The following SYNE2 variants were observed in gnomAD, a reference collection of about 807,000 sequenced individuals.
The protein encoded by SYNE2 is spectrin repeat containing nuclear envelope protein 2.
SYNE2 carries 431 observed loss-of-function variants against 856.3 expected under a neutral mutation model. That is an observed-to-expected ratio of 0.50 (90% CI 0.47 to 0.55). The LOEUF is 0.55. SYNE2 is among the 20% of genes least tolerant of loss of function. The pLI is 0.00. For synonymous variants in SYNE2, 2,923 were observed against 2,872.3 expected, an observed-to-expected ratio of 1.02 and a Z score of -0.56; for missense variants, 8,129 against 8,023.2, an observed-to-expected ratio of 1.01 and a Z score of -0.50.
In SYNE2 at chr14:64,087,947, C is replaced by A. The variant is rs1471673005; in HGVS notation, c.11670+91C>A. On this transcript the variant is annotated intron_variant, in intron 58 of 115. Coordinates refer to ENST00000555002, the MANE Select transcript of SYNE2 (RefSeq NM_182914.3). The stretch of plus-strand genomic sequence containing the variant: ...CCTATAATTCCAGCACTTTGGGAGG[C>A]CAAGGCGGGTGGATCACTTGAGGTC... 3 of 1,401,088 alleles carry A rather than the reference C, an allele frequency of 2.1e-6. No homozygotes were observed. The African/African-American group carries it at 4.3e-5, about 20-fold the overall frequency. The allele number at this position is 1,401,088 out of a possible 1,614,324, so 86.8% of individuals were successfully genotyped here.
At position 64,071,977 on chromosome 14, in the gene SYNE2, C is replaced by T. The variant is rs566648224; in HGVS notation, c.10697+1067C>T. ...AGGTTGCAGTGAGCTGAGATCATGC[C>T]ATTGCACTCCAGCCTGAAACGTCCA... On this transcript the variant is annotated intron_variant, in intron 52 of 115. Transcript: ENST00000555002. 8.3e-4 allele frequency among the ~76,000 whole-genome samples: 126 copies of T among 152,268 alleles called. 1 individual carries two copies. The South Asian group carries it at 0.023, about 28-fold the overall frequency.
Position 64,002,816 on chromosome 14 carries a change from C to T in SYNE2, c.3883C>T (p.His1295Tyr). 6.2e-7 allele frequency: 1 copy of T among 1,614,124 alleles called. No homozygotes were observed. Among genetic ancestry groups the T allele is most frequent in the Non-Finnish European group, 8.5e-7 (1 of 1,180,014 alleles). The change falls in exon 30 of 116, where the codon CAC becomes TAC. Residue 1295 changes from histidine (H) to tyrosine (Y), a missense_variant. Around this residue, in one of 3 missense-constraint regions of SYNE2, gnomAD observed 2,422 missense variants for 2,357.4 expected, o/e 1.03. Coordinates refer to ENST00000555002, the MANE Select transcript of SYNE2 (RefSeq NM_182914.3). ...VLKELHPFDL[H>Y]AMQNIILKYK... ...AAAGGAGTTACACCCATTTGATCTA[C>T]ACGCAATGCAGAATATTATACTGAA...
chr14:64,158,824 A>G, intron 86 of SYNE2, 29 bp downstream of exon 86: 1 of 1,612,590 alleles, frequency 6.2e-7, no homozygotes, highest in Non-Finnish European at 8.5e-7. Context: ...GGCATGGTGC[A>G]TTATTGGCAG....
rs1479785601 is a variant in SYNE2 at position 63,997,306 on chromosome 14, C to A, written c.3158C>A (p.Thr1053Asn). ...CAATTTTGATTCCTTTCTAGGGGGA[C>A]CATCACCACATCTGAGAATAGAGGA... ...TAGGTSKNEGTITTSENRGGD... is the reference protein window; with the variant it reads ...TAGGTSKNEGNITTSENRGGD... The change falls in exon 25 of 116, where the codon ACC becomes AAC. Residue 1053 changes from threonine to asparagine, a missense_variant. Physicochemically the swap from Thr to Asn is moderately conservative, Grantham distance 65. Around this residue, in one of 3 missense-constraint regions of SYNE2, gnomAD observed 2,422 missense variants for 2,357.4 expected, o/e 1.03. Coordinates refer to ENST00000555002, the MANE Select transcript of SYNE2 (RefSeq NM_182914.3). 3.1e-6 allele frequency: 5 copies of A among 1,612,822 alleles called. No homozygotes were observed. Among genetic ancestry groups the A allele is most frequent in the Non-Finnish European group, 3.4e-6 (4 of 1,179,444 alleles).
In SYNE2 at chr14:64,224,505, G is replaced by T. The variant is rs1329996496; in HGVS notation, c.20427G>T (p.Gly6809=). 1.9e-6 allele frequency: 3 copies of T among 1,614,102 alleles called. No homozygotes were observed. The highest frequency in any genetic ancestry group is 2.2e-5 in the South Asian group (2 of 91,082). The change falls in exon 114 of 116, where the codon GGG becomes GGT. Residue 6809 remains glycine, a synonymous_variant. Transcript: ENST00000555002. The part of the protein sequence containing the change: ...PLPSFDEVDS[G]DQPPATSVPA... ...CCAGCTTCGACGAGGTAGACTCGGGGGACCAGCCTCCTGCAACATCCGTGC... is the reference window on the plus strand; with the variant it reads ...CCAGCTTCGACGAGGTAGACTCGGGTGACCAGCCTCCTGCAACATCCGTGC...
chr14:63,769,172 G>A (rs1012844732), intron 1 of SYNE2, among the ~76,000 whole-genome samples: 1 of 152,204 alleles, frequency 6.6e-6, no homozygotes, highest in Non-Finnish European at 1.5e-5. Context: ...TAACCAGAGC[G>A]ATGAAGTAAA....
chr14:64,155,471 T>C (rs987152433), intron 85 of SYNE2, among the ~76,000 whole-genome samples: 1 of 152,108 alleles, frequency 6.6e-6, no homozygotes, highest in Non-Finnish European at 1.5e-5. Flanking sequence ...CTAATAGTTA[T>C]GCAGTTTCTT....
upstream of SYNE2, among the ~76,000 whole-genome samples, chr14:63,761,846 C>T (rs1405724777): frequency 6.6e-6 from 1 of 152,146 alleles, no homozygotes; most frequent in Non-Finnish European, 1.5e-5. Flanking sequence ...AGGACATTGC[C>T]AAACCTCTCC....
rs1555501309 is a variant in SYNE2 at position 64,130,196 on chromosome 14, T to A, written c.14288T>A (p.Leu4763Ter). The change falls in exon 76 of 116, where the codon TTA (leucine) becomes TAA (stop). Residue 4763 changes from leucine to a stop codon, truncating the protein, a stop_gained. Coordinates refer to ENST00000555002, the MANE Select transcript of SYNE2 (RefSeq NM_182914.3). LOFTEE classifies it high-confidence loss of function. ...AAGGAAAAGCTTGCTCATGGCCACT[T>A]AAAACAAACCAAAAGTAAAGTGGCG... ...IGKEKLAHGH[L>*]KQTKSKVALQ... 2 of 1,613,944 alleles carry A rather than the reference T, an allele frequency of 1.2e-6. No individual in the cohort carries two copies. The highest frequency in any genetic ancestry group is 1.7e-6 in the Non-Finnish European group (2 of 1,179,956).
Position 64,047,326 on chromosome 14 carries a change from AG to A in SYNE2, c.7222-673del, listed in dbSNP as rs573940760. Among the ~76,000 whole-genome samples, 276 of 152,302 alleles carry A rather than the reference AG, an allele frequency of 1.8e-3. 1 individual carries two copies. The highest frequency in any genetic ancestry group is 3.4e-3 in the Middle Eastern group (1 of 294). ...TTTGGAATTACGCAAAAAAGGTTAAAGCGAAGACACCACTCAAAGGAGAGCA... is the reference window on the plus strand; with the variant it reads ...TTTGGAATTACGCAAAAAAGGTTAAACGAAGACACCACTCAAAGGAGAGCA... On this transcript the variant is annotated intron_variant, in intron 45 of 115. Transcript: ENST00000555002.
chr14:64,225,599 A>C lies in SYNE2; in HGVS notation c.*73A>C, dbSNP rs1420672259. On this transcript the variant is annotated 3_prime_UTR_variant, in exon 116 of 116. Coordinates refer to ENST00000555002, the MANE Select transcript of SYNE2 (RefSeq NM_182914.3). ...GTGCCCAGCACGTGGCCCCAGACCA[A>C]TCTGAGTGACTTAGTGTTGGCAAGG... 2 of 1,495,924 alleles carry C rather than the reference A, an allele frequency of 1.3e-6. No individual in the cohort carries two copies. The highest frequency in any genetic ancestry group is 9.2e-7 in the Non-Finnish European group (1 of 1,084,752). 92.7% of individuals were successfully genotyped at this position (1,495,924 alleles called of 1,614,324 possible). A position where few individuals can be genotyped will look rare whatever the true frequency, so the allele number is the denominator to read the frequency against.
intron 6 of SYNE2, 141 bp from the exon 7 acceptor site, chr14:63,949,684 A>G (rs1431608867): frequency 5.8e-6 from 5 of 860,266 alleles, no homozygotes; most frequent in Non-Finnish European, 9.7e-6. Context: ...TTATTCAAGG[A>G]TTTGCCCAGT....
At chr14:63,986,277 T>G (rs2096625005) in intron 18 of SYNE2, among the ~76,000 whole-genome samples, 179 bp from the exon 19 acceptor site, 1 of 152,100 alleles carries the variant, frequency 6.6e-6, no homozygotes, top group Non-Finnish European at 1.5e-5. Context: ...CTTTAAAATT[T>G]TTTGTAGAGA....
At chr14:63,840,401 T>C (rs1001433337) in intron 1 of SYNE2, among the ~76,000 whole-genome samples, 6 of 83,400 alleles carry the variant, frequency 7.2e-5, no homozygotes, top group South Asian at 4.3e-4. Flanking sequence ...TTCTTTCCTT[T>C]CCTTCCTTCC....
Position 63,998,316 on chromosome 14 carries a change from G to A in SYNE2, c.3341G>A (p.Ser1114Asn). 2.5e-6 allele frequency: 4 copies of A among 1,606,718 alleles called. No individual in the cohort carries two copies. Among genetic ancestry groups the A allele is most frequent in the Non-Finnish European group, 3.4e-6 (4 of 1,173,368 alleles). ...MEKDYSASIN[S>N]LLERYDTYRD... ...AAGGATTACAGTGCATCTATAAATAGTTTACTAGAGAGGTAAACTCTTTTT... is the reference window on the plus strand; with the variant it reads ...AAGGATTACAGTGCATCTATAAATAATTTACTAGAGAGGTAAACTCTTTTT... The change falls in exon 26 of 116, where the codon AGT (serine) becomes AAT (asparagine). Residue 1114 changes from serine to asparagine, a missense_variant. Coordinates refer to ENST00000555002, the MANE Select transcript of SYNE2 (RefSeq NM_182914.3).
At chr14:63,997,489 A>G in intron 25 of SYNE2, 98 bp downstream of exon 25, 1 of 1,021,904 alleles carries the variant, frequency 9.8e-7, no homozygotes, top group South Asian at 1.4e-5. Flanking sequence ...GGTTTTAATT[A>G]TTCGATTGTT....
At chr14:64,190,586 G>A (rs984557194) in intron 99 of SYNE2, 2 of 701,718 alleles carry the variant, frequency 2.9e-6, no homozygotes, top group East Asian at 2.7e-5. Flanking sequence ...AGCCATGCCC[G>A]TTGCTCCTGC....
At chr14:63,967,584 C>A in intron 10 of SYNE2, 125 bp from the exon 11 acceptor site, 1 of 925,238 alleles carries the variant, frequency 1.1e-6, no homozygotes, top group Middle Eastern at 3.3e-4. Context: ...ATACTGGATT[C>A]AGGGGATTTT....
At chr14:64,213,262 C>T (rs1250274613) in intron 105 of SYNE2, among the ~76,000 whole-genome samples, 2 of 152,104 alleles carry the variant, frequency 1.3e-5, no homozygotes, top group African/African-American at 4.8e-5. Context: ...TTTAAGTATT[C>T]CTCAGGGCTG....
Sources: allele counts gnomAD v4.1 joint callset (sites outside exome capture counted in the v4.1 genomes callset), GRCh38; gene constraint gnomAD v4.1.1; regional missense constraint gnomAD v4.1.1; transcripts MANE v1.5; gene names NCBI Gene and HGNC (gene_info 2026-07-23, HGNC 2026-07-21).